Variants in ADAMTSL3 observed in about 807,000 individuals in gnomAD.
The protein encoded by ADAMTSL3 is ADAMTS-like protein 3.
ADAMTSL3 carries 128 observed loss-of-function variants against 201.7 expected under a neutral mutation model. The observed-to-expected ratio is 0.63, with a 90% CI of 0.55 to 0.73. The LOEUF is 0.73. ADAMTSL3 is among the 30% of genes least tolerant of loss of function. The probability of loss-of-function intolerance (pLI) is 0.00; values close to 1 mark genes in which losing one functional copy is unlikely to be tolerated. For missense variants in ADAMTSL3, 1,990 were observed against 2,119.6 expected, an observed-to-expected ratio of 0.94 and a Z score of 1.20; for synonymous variants, 738 against 748.4, an observed-to-expected ratio of 0.99 and a Z score of 0.23.
At chr15:83,730,760 G>A (rs1279280396) in intron 3 of ADAMTSL3, among the ~76,000 whole-genome samples, 1 of 151,866 alleles carries the variant, frequency 6.6e-6, no homozygotes, top group Non-Finnish European at 1.5e-5. Flanking sequence ...TCTTTGCCAT[G>A]CAGAAGCTTT....
At chr15:83,865,469 A>G (rs2064955628) in intron 8 of ADAMTSL3, among the ~76,000 whole-genome samples, 3 of 152,198 alleles carry the variant, frequency 2.0e-5, no homozygotes, top group Admixed American at 1.3e-4. Context: ...CATATCTACA[A>G]CCATCTGATC....
At chr15:83,963,329 CG>C (rs2067009236) in intron 19 of ADAMTSL3, among the ~76,000 whole-genome samples, 1 of 152,198 alleles carries the variant, frequency 6.6e-6, no homozygotes, top group Admixed American at 6.5e-5. Flanking sequence ...GGGGAAGGGG[CG>C]TCCACCATTA....
chr15:83,823,087 T>G (rs1004874456), intron 6 of ADAMTSL3, among the ~76,000 whole-genome samples: 1 of 151,434 alleles, frequency 6.6e-6, no homozygotes, highest in South Asian at 2.1e-4. Context: ...TTGCAGGCAC[T>G]CGGCAGGCTG....
At chr15:83,829,779 T>C (rs897871394) in intron 6 of ADAMTSL3, among the ~76,000 whole-genome samples, 2 of 152,230 alleles carry the variant, frequency 1.3e-5, no homozygotes, top group African/African-American at 4.8e-5. Flanking sequence ...TTCATTTCCT[T>C]ATGTACCCAG....
intron 3 of ADAMTSL3, among the ~76,000 whole-genome samples, chr15:83,758,355 C>T (rs2062753564): frequency 6.6e-6 from 1 of 152,124 alleles, no homozygotes; most frequent in African/African-American, 2.4e-5. Flanking sequence ...GGGAAAATCC[C>T]CTTTATAAAA....
intron 23 of ADAMTSL3, among the ~76,000 whole-genome samples, chr15:84,003,869 T>C (rs1262243716): frequency 6.6e-6 from 1 of 152,182 alleles, no homozygotes; most frequent in Non-Finnish European, 1.5e-5. Flanking sequence ...CCGGCTGCTA[T>C]GACCTAACTA....
At chr15:83,852,918 G>A (rs774367950) in intron 7 of ADAMTSL3, among the ~76,000 whole-genome samples, 10 of 152,196 alleles carry the variant, frequency 6.6e-5, no homozygotes, top group Non-Finnish European at 1.2e-4. Flanking sequence ...ATGCAGTGGC[G>A]TGATCTTGGC....
intron 7 of ADAMTSL3, among the ~76,000 whole-genome samples, chr15:83,851,200 A>C (rs919273078): frequency 3.9e-5 from 6 of 152,236 alleles, no homozygotes; most frequent in Non-Finnish European, 7.3e-5. Flanking sequence ...GTGGAGGGTT[A>C]CAGAAATGAA....
intron 4 of ADAMTSL3, among the ~76,000 whole-genome samples, chr15:83,788,761 T>C (rs1445350650): frequency 2.0e-5 from 3 of 152,150 alleles, no homozygotes; most frequent in Non-Finnish European, 4.4e-5. Flanking sequence ...TCCTGAAATA[T>C]TTCCTTGATG....
chr15:83,954,975 C>G (rs1223842211), intron 19 of ADAMTSL3, among the ~76,000 whole-genome samples: 1 of 152,212 alleles, frequency 6.6e-6, no homozygotes, highest in Non-Finnish European at 1.5e-5. Flanking sequence ...GGGTTTCACC[C>G]AAGACCCACT....
chr15:83,734,574 C>A (rs1427202461), intron 3 of ADAMTSL3, among the ~76,000 whole-genome samples: 3 of 152,148 alleles, frequency 2.0e-5, no homozygotes, highest in African/African-American at 7.2e-5. Context: ...TGTGTGCCTG[C>A]TTTGTGATGA....
chr15:83,786,096 C>A (rs772669750), intron 4 of ADAMTSL3, among the ~76,000 whole-genome samples: 1 of 152,100 alleles, frequency 6.6e-6, no homozygotes, highest in Non-Finnish European at 1.5e-5. Context: ...CCCGCCTCAG[C>A]CTCCCAGAGT....
chr15:83,819,712 G>A (rs2063828033), intron 5 of ADAMTSL3, 99 bp from the exon 6 acceptor site: 1 of 886,242 alleles, frequency 1.1e-6, no homozygotes, highest in Non-Finnish European at 1.8e-6. Flanking sequence ...AGAGAGGCAA[G>A]TGAGGTGTGG....
chr15:84,037,615 A>G, intron 29 of ADAMTSL3, 85 bp from the exon 30 acceptor site: 1 of 1,441,108 alleles, frequency 6.9e-7, no homozygotes, highest in South Asian at 1.5e-5. Flanking sequence ...TGTGATCTCA[A>G]TTTATGGCTT....
intron 25 of ADAMTSL3, among the ~76,000 whole-genome samples, chr15:84,017,890 G>C (rs960831727): frequency 2.0e-5 from 3 of 152,182 alleles, no homozygotes; most frequent in Non-Finnish European, 4.4e-5. Context: ...ACTGGGACAA[G>C]TTCCATAATA....
chr15:84,001,798 C>A (rs2067795697), intron 23 of ADAMTSL3, among the ~76,000 whole-genome samples: 1 of 152,204 alleles, frequency 6.6e-6, no homozygotes, highest in Non-Finnish European at 1.5e-5. Flanking sequence ...CTTGCTGGGC[C>A]ACAAGATGCC....
chr15:83,809,548 T>A (rs369285647), intron 5 of ADAMTSL3, among the ~76,000 whole-genome samples: 1 of 152,206 alleles, frequency 6.6e-6, no homozygotes, highest in African/African-American at 2.4e-5. Flanking sequence ...TGCCCATTGC[T>A]CACTGGCAGT....
At position 83,822,152 on chromosome 15, in the gene ADAMTSL3, C is replaced by T. The variant is rs1280571427; in HGVS notation, c.600+2105C>T. On this transcript the variant is annotated intron_variant, in intron 6 of 29. Transcript: ENST00000286744. ...CTGACCCCCCCACCTCCCTCCCAGA[C>T]GGGGCGGCTGGCCTGGCGGGGGCTG... Among the ~76,000 whole-genome samples the T allele has an allele frequency of 1.4e-3, 203 of 147,822 alleles. 1 individual carries two copies. The South Asian group carries it at 0.015, about 11-fold the overall frequency.
At chr15:83,885,253 G>A in intron 10 of ADAMTSL3, 41 bp downstream of exon 10, 1 of 1,483,024 alleles carries the variant, frequency 6.7e-7, no homozygotes, top group South Asian at 1.2e-5. Flanking sequence ...AGAGCTCAGA[G>A]TTAGATAAAT....
Sources: allele counts gnomAD v4.1 joint callset (sites outside exome capture counted in the v4.1 genomes callset), GRCh38; gene constraint gnomAD v4.1.1; transcripts MANE v1.5; gene names NCBI Gene and HGNC (gene_info 2026-07-23, HGNC 2026-07-21).